ALPK3: variants seen among roughly 807,000 people sequenced by gnomAD.
The protein encoded by ALPK3 is alpha kinase 3, also known as alpha-protein kinase 3.
In ALPK3, 102 loss-of-function variants were observed where a neutral mutation model predicts 140.0. That is an observed-to-expected ratio of 0.73 (90% CI 0.62 to 0.86). The LOEUF is 0.86. ALPK3 is among the 40% of genes least tolerant of loss of function. The pLI is 0.00. For synonymous variants in ALPK3, 938 were observed against 898.5 expected, an observed-to-expected ratio of 1.04 and a Z score of -0.79; for missense variants, 2,254 against 2,208.2, an observed-to-expected ratio of 1.02 and a Z score of -0.42.
rs545657102 is a variant in ALPK3 at position 84,858,144 on chromosome 15, G to C, written c.3406G>C (p.Glu1136Gln). ...GCCCTCAGCAGAGAGCATAGCCCAG[G>C]AGCCCTCCCAAGAGGAGAAGTTCCC... ...QGPSAESIAQ[E>Q]PSQEEKFPGE... The change falls in exon 6 of 14, where the codon GAG becomes CAG. Residue 1136 changes from glutamate to glutamine, a missense_variant. By Grantham distance (29) the Glu-to-Gln change is conservative. Coordinates refer to ENST00000258888, the MANE Select transcript of ALPK3 (RefSeq NM_020778.5). The C allele has an allele frequency of 6.2e-7, 1 of 1,604,250 alleles. No individual in the cohort carries two copies. Among genetic ancestry groups the C allele is most frequent in the African/African-American group, 1.3e-5 (1 of 74,420 alleles).
chr15:84,866,700 T>C (rs1047023229), intron 12 of ALPK3, among the ~76,000 whole-genome samples: 5 of 152,272 alleles, frequency 3.3e-5, no homozygotes, highest in Non-Finnish European at 7.3e-5. Context: ...GCTTGCTTGC[T>C]GCCTTTGTAA....
intron 1 of ALPK3, 30 bp downstream of exon 1, chr15:84,817,625 C>A: frequency 6.8e-7 from 1 of 1,471,846 alleles, no homozygotes; most frequent in Admixed American, 2.3e-5. Flanking sequence ...AGGGCGGCGT[C>A]GGGCCGGCGA....
In ALPK3 at chr15:84,858,553, A is replaced by C; in HGVS notation, c.3815A>C (p.Lys1272Thr). 2 of 1,581,564 alleles carry C rather than the reference A, an allele frequency of 1.3e-6. No homozygotes were observed. Among genetic ancestry groups the C allele is most frequent in the Non-Finnish European group, 1.7e-6 (2 of 1,171,838 alleles). ...AKPRKAKDLL[K>T]APQVIRKIRV... ...CCCAGGAAAGCCAAAGACCTGCTGAAAGGTGAGCAGTGGGGAGGGAGAGGG... is the reference window on the plus strand; with the variant it reads ...CCCAGGAAAGCCAAAGACCTGCTGACAGGTGAGCAGTGGGGAGGGAGAGGG... Residue 1272 changes from lysine to threonine, a missense_variant and splice_region_variant, in exon 6 of 14, where the codon AAA becomes ACA. Coordinates refer to ENST00000258888, the MANE Select transcript of ALPK3 (RefSeq NM_020778.5).
In ALPK3 at chr15:84,839,868, G is replaced by A; in HGVS notation, c.589G>A (p.Glu197Lys). Reference protein sequence around the residue: ...RKAAAKLREIEQSWKHEKAVP... With the variant: ...RKAAAKLREIKQSWKHEKAVP... ...GGCTGCGGCAAAGCTGCGCGAGATC[G>A]AGCAGAGCTGGAAGCACGAGAAGGC... The change falls in exon 5 of 14, where the codon GAG becomes AAG. Residue 197 changes from glutamate (E) to lysine (K), a missense_variant. Around this residue, in one of 3 missense-constraint regions of ALPK3, gnomAD observed 2,088 missense variants for 2,022.9 expected, o/e 1.03. Coordinates refer to ENST00000258888, the MANE Select transcript of ALPK3 (RefSeq NM_020778.5). 6.2e-7 allele frequency: 1 copy of A among 1,614,094 alleles called. No individual in the cohort carries two copies. The highest frequency in any genetic ancestry group is 8.5e-7 in the Non-Finnish European group (1 of 1,180,032).
chr15:84,863,664 T>A, intron 11 of ALPK3, 24 bp downstream of exon 11: 1 of 1,608,144 alleles, frequency 6.2e-7, no homozygotes, highest in Non-Finnish European at 8.5e-7. Context: ...GAGGAGGACG[T>A]GCAGTGTGCA....
At position 84,857,150 on chromosome 15, in the gene ALPK3, G is replaced by T; in HGVS notation, c.2412G>T (p.Pro804=). The T allele has an allele frequency of 1.2e-6, 2 of 1,614,118 alleles. No individual in the cohort carries two copies. Among genetic ancestry groups the T allele is most frequent in the African/African-American group, 2.7e-5 (2 of 75,032 alleles). Residue 804 remains proline (P), a synonymous_variant, in exon 6 of 14, where the codon CCG becomes CCT. Transcript: ENST00000258888. The stretch of plus-strand genomic sequence containing the variant: ...GGAACCTCATGCTCCCAGCACAGCC[G>T]CCCCATGAGGGGAGTGTGGAGCAGG... ...LSGNLMLPAQ[P]PHEGSVEQVG... is the part of the protein sequence containing the mutation.
chr15:84,844,947 T>G (rs1168009687), intron 5 of ALPK3, among the ~76,000 whole-genome samples: 3 of 152,220 alleles, frequency 2.0e-5, no homozygotes, highest in Non-Finnish European at 2.9e-5. Context: ...ATTCTGGTTA[T>G]GGCAGTTTTA....
Position 84,856,670 on chromosome 15 carries a change from G to A in ALPK3, c.1932G>A (p.Gly644=). ...ATAGGAAGACGCAGGTGGATGCTGGGACACAAGAAAGCAAGAGGCCACAGT... is the reference window on the plus strand; with the variant it reads ...ATAGGAAGACGCAGGTGGATGCTGGAACACAAGAAAGCAAGAGGCCACAGT... ...RADRKTQVDA[G]TQESKRPQSD... Residue 644 remains glycine, a synonymous_variant, in exon 6 of 14, where the codon GGG becomes GGA. Coordinates refer to ENST00000258888, the MANE Select transcript of ALPK3 (RefSeq NM_020778.5). The A allele has an allele frequency of 1.9e-6, 3 of 1,614,062 alleles. No individual in the cohort carries two copies. The highest frequency in any genetic ancestry group is 2.5e-6 in the Non-Finnish European group (3 of 1,180,032).
intron 3 of ALPK3, among the ~76,000 whole-genome samples, chr15:84,830,427 T>C (rs1963534406): frequency 6.6e-6 from 1 of 152,214 alleles, no homozygotes; most frequent in South Asian, 2.1e-4. Flanking sequence ...GTCCTGAAGA[T>C]GGTGCAGAGG....
Position 84,870,988 on chromosome 15 carries a change from A to C in ALPK3, c.*2532A>C, listed in dbSNP as rs893162. On this transcript the variant is annotated 3_prime_UTR_variant, in exon 14 of 14. Coordinates refer to ENST00000258888, the MANE Select transcript of ALPK3 (RefSeq NM_020778.5). ...AACTTCGAATTCCAGGGGTAATGAC[A>C]CGGCTTCTATTCTCCAAAGTCCAGT... 6.6e-6 allele frequency: 1 copy of C among 152,318 alleles called. No homozygotes were observed. The highest frequency in any genetic ancestry group is 1.5e-5 in the Non-Finnish European group (1 of 68,026). The allele number at this position is 152,318 out of a possible 1,614,324, so 9.4% of individuals were successfully genotyped here. A position where few individuals can be genotyped will look rare whatever the true frequency, so the allele number is the denominator to read the frequency against.
chr15:84,840,868 G>A lies in ALPK3; in HGVS notation c.1589G>A (p.Arg530Gln), dbSNP rs150733634. Residue 530 changes from arginine to glutamine, a missense_variant, in exon 5 of 14, where the codon CGG (arginine) becomes CAG (glutamine). This residue lies in a region of ALPK3 where 2,088 missense variants were observed against 2,022.9 expected (regional missense o/e 1.03). Transcript: ENST00000258888. ...ASVQVPTPPA[R>Q]RRHGTRDSTL... ...GTGCAGGTGCCGACGCCCCCTGCCC[G>A]GCGGAGACATGGCACCCGGGACAGC... The A allele has an allele frequency of 3.9e-5, 63 of 1,613,776 alleles. No homozygotes were observed. The African/African-American group carries it at 6.4e-4, about 16-fold the overall frequency.
chr15:84,847,927 TG>T (rs1183477672), intron 5 of ALPK3, among the ~76,000 whole-genome samples: 1 of 151,634 alleles, frequency 6.6e-6, no homozygotes, highest in Non-Finnish European at 1.5e-5. Context: ...CCAGGGGTGG[TG>T]GGGGGCACCT....
chr15:84,859,401 G>T lies in ALPK3; in HGVS notation c.3965+11G>T. The T allele has an allele frequency of 6.2e-7, 1 of 1,613,738 alleles. No homozygotes were observed. Among genetic ancestry groups the T allele is most frequent in the South Asian group, 1.1e-5 (1 of 90,962 alleles). The stretch of plus-strand genomic sequence containing the variant: ...CGAGGTGGGCAGGAGGTAAGCCAAC[G>T]ACACCACTGCCACCTGACCTGGCTC... On this transcript the variant is annotated intron_variant, in intron 7 of 13. Coordinates refer to ENST00000258888, the MANE Select transcript of ALPK3 (RefSeq NM_020778.5).
At position 84,853,618 on chromosome 15, in the gene ALPK3, G is replaced by GA. The variant is rs536723261; in HGVS notation, c.1654-2764dup. On this transcript the variant is annotated intron_variant, in intron 5 of 13. Transcript: ENST00000258888. ...GACAGAGCGAGACTCCGTCTCAAAA[G>GA]AAAAAAAAAAGATTCTTCAGTCAGC... Among the ~76,000 whole-genome samples the GA allele has an allele frequency of 1.1e-4, 16 of 148,036 alleles. No homozygotes were observed. The East Asian group carries it at 2.0e-3, about 18-fold the overall frequency.
At chr15:84,863,457 C>A in intron 10 of ALPK3, 95 bp from the exon 11 acceptor site, 2 of 1,084,208 alleles carry the variant, frequency 1.8e-6, no homozygotes, top group Non-Finnish European at 2.7e-6. Context: ...CCTCTCAGTC[C>A]CCTAACAGAA....
At chr15:84,855,062 C>T (rs1472622140) in intron 5 of ALPK3, among the ~76,000 whole-genome samples, 3 of 152,190 alleles carry the variant, frequency 2.0e-5, no homozygotes, top group Non-Finnish European at 2.9e-5. Flanking sequence ...TAGCAATTTT[C>T]CGGAGGTTTC....
At position 84,827,592 on chromosome 15, in the gene ALPK3, C is replaced by G. The variant is rs568517208; in HGVS notation, c.291C>G (p.Thr97=). The G allele has an allele frequency of 1.9e-6, 3 of 1,614,116 alleles. No homozygotes were observed. In the Admixed American group the frequency reaches 5.0e-5, roughly 27 times the overall value. The change falls in exon 3 of 14, where the codon ACC becomes ACG. Residue 97 remains threonine, a synonymous_variant. Transcript: ENST00000258888. ...SVSEDSDVRF[T]CIVTGYPEPE... The stretch of plus-strand genomic sequence containing the variant: ...CCGAGGACAGCGACGTCAGGTTCAC[C>G]TGCATCGTCACAGGTAAGGATGCTG...
At chr15:84,834,358 A>T (rs1234489343) in intron 3 of ALPK3, among the ~76,000 whole-genome samples, 1 of 152,224 alleles carries the variant, frequency 6.6e-6, no homozygotes, top group East Asian at 1.9e-4. Flanking sequence ...TGCTAGCTAG[A>T]TAACTTTGGA....
intron 1 of ALPK3, among the ~76,000 whole-genome samples, chr15:84,818,420 T>A (rs577697265): frequency 6.6e-6 from 1 of 152,312 alleles, no homozygotes; most frequent in East Asian, 1.9e-4. Flanking sequence ...CGCATTGCCA[T>A]GGAGACAGAC....
Sources: allele counts gnomAD v4.1 joint callset (sites outside exome capture counted in the v4.1 genomes callset), GRCh38; gene constraint gnomAD v4.1.1; regional missense constraint gnomAD v4.1.1; transcripts MANE v1.5; gene names NCBI Gene and HGNC (gene_info 2026-07-23, HGNC 2026-07-21).